Variants in DMXL2 observed in about 807,000 individuals in gnomAD.
DMXL2 encodes Dmx like 2, also known as dmX-like protein 2.
A neutral mutation model predicts 331.1 loss-of-function variants in DMXL2; 103 were observed. The observed-to-expected ratio is 0.31, with a 90% CI of 0.27 to 0.37. The LOEUF (loss-of-function observed/expected upper bound fraction) is 0.37, where lower values mean the gene tolerates loss of function less well. Among genes scored for constraint, DMXL2 ranks in the 10% least tolerant of loss-of-function variants. DMXL2 has a pLI of 1.00. For missense variants in DMXL2, 3,171 were observed against 3,642.9 expected, an observed-to-expected ratio of 0.87 and a Z score of 3.33; for synonymous variants, 1,281 against 1,252.1, an observed-to-expected ratio of 1.02 and a Z score of -0.49.
intron 12 of DMXL2, 148 bp downstream of exon 12, chr15:51,536,018 C>T (rs2140876546): frequency 1.1e-6 from 1 of 884,420 alleles, no homozygotes; most frequent in African/African-American, 1.7e-5. Context: ...AGTCTCATGC[C>T]TGTATTCTGA....
chr15:51,563,284 C>G (rs748277624), intron 6 of DMXL2, 97 bp downstream of exon 6: 22 of 1,017,846 alleles, frequency 2.2e-5, no homozygotes, highest in Non-Finnish European at 3.0e-5. Context: ...AGGATTATCC[C>G]AGTTTTACAG....
At chr15:51,511,896 T>C (rs1048092978) in intron 15 of DMXL2, among the ~76,000 whole-genome samples, 8 of 152,140 alleles carry the variant, frequency 5.3e-5, no homozygotes, top group Non-Finnish European at 1.0e-4. Flanking sequence ...TGCAGGGACA[T>C]GGATGAAGCT....
chr15:51,455,072 G>T, intron 40 of DMXL2, 79 bp downstream of exon 40: 1 of 1,151,118 alleles, frequency 8.7e-7, no homozygotes, highest in Non-Finnish European at 1.3e-6. Flanking sequence ...GACCACCAAT[G>T]AGATTCACTG....
intron 6 of DMXL2, among the ~76,000 whole-genome samples, chr15:51,561,347 A>G (rs1005166047): frequency 3.9e-5 from 6 of 152,142 alleles, no homozygotes; most frequent in Non-Finnish European, 7.4e-5. Context: ...TCTTCATACA[A>G]TTTCTTCAGG....
At chr15:51,621,417 C>T (rs1446846978) in intron 1 of DMXL2, among the ~76,000 whole-genome samples, 5 of 152,160 alleles carry the variant, frequency 3.3e-5, no homozygotes, top group Non-Finnish European at 7.3e-5. Context: ...AAAAAGCATA[C>T]CATTACGGAA....
intron 8 of DMXL2, 87 bp from the exon 9 acceptor site, chr15:51,542,594 GATTT>G: frequency 9.8e-7 from 1 of 1,021,786 alleles, no homozygotes; most frequent in South Asian, 2.1e-5. Flanking sequence ...AGAGGTTTAA[GATTT>G]TTTTCTCCAT....
intron 13 of DMXL2, 112 bp downstream of exon 13, chr15:51,535,551 A>C (rs575354956): frequency 2.0e-6 from 2 of 978,000 alleles, no homozygotes; most frequent in African/African-American, 3.4e-5. Context: ...TATGCAGCCC[A>C]GAACATATAC....
At chr15:51,528,224 T>C (rs999784084) in intron 13 of DMXL2, among the ~76,000 whole-genome samples, 2 of 152,064 alleles carry the variant, frequency 1.3e-5, no homozygotes, top group Admixed American at 6.5e-5. Flanking sequence ...CAGGAGTAAG[T>C]CCTTACTTAC....
intron 26 of DMXL2, among the ~76,000 whole-genome samples, chr15:51,477,352 A>T (rs2041668158): frequency 6.6e-6 from 1 of 152,030 alleles, no homozygotes; most frequent in African/African-American, 2.4e-5. Context: ...AAAACAATGT[A>T]TTTGCATTTT....
At chr15:51,460,477 C>T (rs913755868) in intron 33 of DMXL2, 50 of 581,420 alleles carry the variant, frequency 8.6e-5, no homozygotes, top group Non-Finnish European at 1.0e-4. Context: ...TTTGTCTTAA[C>T]TAGCTGAATT....
intron 6 of DMXL2, among the ~76,000 whole-genome samples, chr15:51,557,612 C>T (rs938626163): frequency 6.6e-6 from 1 of 151,942 alleles, no homozygotes; most frequent in East Asian, 1.9e-4. Flanking sequence ...GAGGACTTGC[C>T]CTACCAGATA....
intron 1 of DMXL2, among the ~76,000 whole-genome samples, chr15:51,599,982 A>T (rs1303105344): frequency 6.6e-6 from 1 of 151,576 alleles, no homozygotes; most frequent in East Asian, 2.0e-4. Flanking sequence ...TACAGGTGTG[A>T]CCCATTGCAC....
chr15:51,582,015 G>T (rs1176084999), intron 1 of DMXL2, among the ~76,000 whole-genome samples: 1 of 152,160 alleles, frequency 6.6e-6, no homozygotes, highest in Non-Finnish European at 1.5e-5. Flanking sequence ...CTCCCTGGGA[G>T]TGAGTTTTGA....
chr15:51,492,301 C>T (rs1410965639), intron 19 of DMXL2, among the ~76,000 whole-genome samples: 1 of 152,208 alleles, frequency 6.6e-6, no homozygotes, highest in East Asian at 1.9e-4. Flanking sequence ...GCCACTACCC[C>T]ATTCTTCTCT....
rs747102763 is a variant in DMXL2, at chr15:51,536,267, T to C, written c.2213A>G (p.Tyr738Cys). ...WRVDPIGPLS[Y>C]TGGVSELARI... is the part of the protein sequence containing the mutation. ...AGCCAATTCTGATACTCCTCCAGTGTATGACAAAGGTCCTATTGGGTCTAC... is the reference window on the plus strand; with the variant it reads ...AGCCAATTCTGATACTCCTCCAGTGCATGACAAAGGTCCTATTGGGTCTAC... The change falls in exon 12 of 44, where the codon TAC becomes TGC. Residue 738 changes from tyrosine to cysteine, a missense_variant. Coordinates refer to ENST00000560891, the MANE Select transcript of DMXL2 (RefSeq NM_001378457.1). 6.2e-7 allele frequency: 1 copy of C among 1,614,024 alleles called. No homozygotes were observed. The highest frequency in any genetic ancestry group is 2.2e-5 in the East Asian group (1 of 44,884).
chr15:51,618,826 C>T (rs2054454736), intron 1 of DMXL2, among the ~76,000 whole-genome samples: 1 of 152,168 alleles, frequency 6.6e-6, no homozygotes, highest in Non-Finnish European at 1.5e-5. Context: ...TCTCTTCCAT[C>T]TGCCTTATGT....
At chr15:51,488,873 T>TA (rs1194313829) in intron 20 of DMXL2, among the ~76,000 whole-genome samples, 15 of 152,300 alleles carry the variant, frequency 9.8e-5, no homozygotes, top group Admixed American at 6.5e-4. Flanking sequence ...AGCCAGCACT[T>TA]ATTGACTATT....
chr15:51,499,879 T>G lies in DMXL2; in HGVS notation c.3345A>C (p.Ser1115=). The change falls in exon 18 of 44, where the codon TCA becomes TCC. Residue 1115 remains serine (S), a synonymous_variant. Coordinates refer to ENST00000560891, the MANE Select transcript of DMXL2 (RefSeq NM_001378457.1). ...CIFECESTGG[S]EWVLEQTIHL... The stretch of plus-strand genomic sequence containing the variant: ...GAATTGTTTGTTCTAAAACCCACTC[T>G]GATCCTCCTGTAGATTCACATTCAA... The G allele has an allele frequency of 1.2e-6, 2 of 1,614,200 alleles. No individual in the cohort carries two copies. Among genetic ancestry groups the G allele is most frequent in the Non-Finnish European group, 1.7e-6 (2 of 1,180,016 alleles).
intron 1 of DMXL2, among the ~76,000 whole-genome samples, chr15:51,609,552 C>T (rs566516240): frequency 4.6e-5 from 7 of 152,294 alleles, no homozygotes; most frequent in Middle Eastern, 3.4e-3. Context: ...GTACATTATT[C>T]AGTACAGTAA....
Sources: gnomAD v4.1 joint callset for allele counts (sites outside exome capture counted in the v4.1 genomes callset) on GRCh38, gnomAD v4.1.1 for gene constraint, MANE v1.5 for transcripts, NCBI Gene and HGNC (gene_info 2026-07-23, HGNC 2026-07-21) for gene names.